PALD1: variants seen among roughly 807,000 people sequenced by gnomAD.
PALD1 encodes paladin.
A neutral mutation model predicts 96.0 loss-of-function variants in PALD1; 57 were observed. The ratio of observed to expected loss-of-function variants is 0.59; its 90% CI spans 0.48 to 0.74. The LOEUF (loss-of-function observed/expected upper bound fraction) is 0.74. Ranked by LOEUF, PALD1 falls within the 30% of genes least tolerant of loss-of-function variation. PALD1 has a pLI of 0.00. For synonymous variants in PALD1, 464 were observed against 473.6 expected, an observed-to-expected ratio of 0.98 and a Z score of 0.26; for missense variants, 1,063 against 1,143.7, an observed-to-expected ratio of 0.93 and a Z score of 1.02.
At chr10:70,478,627 G>A (rs559054947), upstream of PALD1, among the ~76,000 whole-genome samples, 5 of 152,326 alleles carry the variant, frequency 3.3e-5, no homozygotes, top group East Asian at 5.8e-4. Context: ...CGTGGCGCCC[G>A]CGTTCCTCCC....
At chr10:70,488,130 T>C (rs1013810992) in intron 1 of PALD1, among the ~76,000 whole-genome samples, 3 of 1,266 alleles carry the variant, frequency 2.4e-3, no homozygotes, top group Non-Finnish European at 0.018. Context: ...TTCTCTCTCT[T>C]TTTTTTTTTA....
At chr10:70,510,500 A>G (rs1001055704) in intron 1 of PALD1, among the ~76,000 whole-genome samples, 4 of 152,062 alleles carry the variant, frequency 2.6e-5, no homozygotes, top group Non-Finnish European at 5.9e-5. Context: ...TTTGCCCCCA[A>G]CACCTGGCTG....
At chr10:70,464,895 T>C in the PALD1 span, among the ~76,000 whole-genome samples, 1 of 151,936 alleles carries the variant, frequency 6.6e-6, no homozygotes, top group African/African-American at 2.4e-5. Context: ...TCCAAAGTGC[T>C]GGGATTACAG....
chr10:70,507,261 AATT>A (rs1173344414), intron 1 of PALD1, among the ~76,000 whole-genome samples: 2 of 151,364 alleles, frequency 1.3e-5, no homozygotes, highest in African/African-American at 4.9e-5. Context: ...AAAAAAAAAA[AATT>A]AGCCGGGCAT....
chr10:70,543,158 A>G (rs113236936), intron 17 of PALD1, among the ~76,000 whole-genome samples: 2 of 149,930 alleles, frequency 1.3e-5, no homozygotes, highest in Admixed American at 1.3e-4. Context: ...AGTGATGTTC[A>G]ATATCTTTTT....
the PALD1 span, among the ~76,000 whole-genome samples, chr10:70,460,552 C>G: frequency 6.6e-6 from 1 of 152,192 alleles, no homozygotes; most frequent in Non-Finnish European, 1.5e-5. Context: ...GATCCCACTT[C>G]CAAAATGGCT....
chr10:70,470,729 C>T, the PALD1 span, among the ~76,000 whole-genome samples: 1 of 151,574 alleles, frequency 6.6e-6, no homozygotes, highest in Non-Finnish European at 1.5e-5. Context: ...CTGCCTCAGC[C>T]TCCCAAGTAG....
intron 1 of PALD1, among the ~76,000 whole-genome samples, chr10:70,520,539 G>C (rs776620079): frequency 1.6e-4 from 24 of 152,228 alleles, no homozygotes; most frequent in Non-Finnish European, 3.1e-4. Context: ...ACTCTGGCAG[G>C]TTGGGTGAGT....
intron 1 of PALD1, among the ~76,000 whole-genome samples, chr10:70,512,697 C>T (rs1001124): frequency 0.11 from 16,733 of 152,266 alleles, 1,015 homozygotes; most frequent in South Asian, 0.17. Flanking sequence ...CAAGTGAACA[C>T]GGTAAGCAGT....
the PALD1 span, among the ~76,000 whole-genome samples, chr10:70,472,321 C>T: frequency 1.6e-3 from 240 of 152,234 alleles, no homozygotes; most frequent in Middle Eastern, 6.8e-3. Flanking sequence ...AGTGCAATGA[C>T]GCGATCTTGG....
the PALD1 span, among the ~76,000 whole-genome samples, chr10:70,466,666 A>T: frequency 1.3e-5 from 2 of 152,214 alleles, no homozygotes; most frequent in African/African-American, 4.8e-5. Context: ...CTTACCCATT[A>T]AACAATCACC....
At chr10:70,516,377 G>T (rs1307774857) in intron 1 of PALD1, among the ~76,000 whole-genome samples, 1 of 151,928 alleles carries the variant, frequency 6.6e-6, no homozygotes, top group Non-Finnish European at 1.5e-5. Flanking sequence ...CAAGTGATCC[G>T]CCCACCTCAG....
intron 1 of PALD1, among the ~76,000 whole-genome samples, chr10:70,491,101 A>G (rs60367177): frequency 6.6e-6 from 1 of 152,080 alleles, no homozygotes; most frequent in South Asian, 2.1e-4. Flanking sequence ...ACCTGCCACC[A>G]CGCCTGGCTA....
chr10:70,564,613 GGACCCCGT>G lies in PALD1; in HGVS notation c.2418+98_2418+105del. 7 of 1,237,852 alleles carry G rather than the reference GGACCCCGT, an allele frequency of 5.7e-6. No individual in the cohort carries two copies. The East Asian group carries it at 1.6e-4, about 29-fold the overall frequency. 76.7% of individuals were successfully genotyped at this position (1,237,852 alleles called of 1,614,324 possible). A position where few individuals can be genotyped will look rare whatever the true frequency, so the allele number is the denominator to read the frequency against. On this transcript the variant is annotated intron_variant, in intron 19 of 19. Transcript: ENST00000263563. ...CTCAGTGCCTGTACATGGCCTGCGG[GGACCCCGT>G]GACAGGCGGGAAGAGCCCCCATCCC...
chr10:70,480,038 C>T (rs747432834), intron 1 of PALD1, among the ~76,000 whole-genome samples: 1 of 152,212 alleles, frequency 6.6e-6, no homozygotes, highest in Non-Finnish European at 1.5e-5. Context: ...ATGTAGGCTG[C>T]GAGAGTGCCA....
intron 17 of PALD1, among the ~76,000 whole-genome samples, chr10:70,543,290 TATAAG>T (rs1224487437): frequency 7.9e-5 from 12 of 152,218 alleles, no homozygotes; most frequent in Non-Finnish European, 1.3e-4. Flanking sequence ...ACTAATCACT[TATAAG>T]AGAGGTGATA....
chr10:70,475,161 G>C (rs1589164000), upstream of PALD1, among the ~76,000 whole-genome samples: 1 of 152,348 alleles, frequency 6.6e-6, no homozygotes, highest in South Asian at 2.1e-4. Flanking sequence ...GTGGTAACTT[G>C]TAGCATAGGG....
At chr10:70,545,630 GT>G (rs1847346665) in intron 17 of PALD1, among the ~76,000 whole-genome samples, 1 of 151,962 alleles carries the variant, frequency 6.6e-6, no homozygotes. Context: ...CAGAGATGGG[GT>G]CTCACTATGT....
intron 1 of PALD1, among the ~76,000 whole-genome samples, chr10:70,513,615 T>G (rs1360222356): frequency 1.3e-5 from 2 of 152,160 alleles, no homozygotes; most frequent in African/African-American, 2.4e-5. Flanking sequence ...ACGTCAGACA[T>G]CAAGAGGCAT....
Sources: gnomAD v4.1 joint callset for allele counts (sites outside exome capture counted in the v4.1 genomes callset) on GRCh38, gnomAD v4.1.1 for gene constraint, MANE v1.5 for transcripts, NCBI Gene and HGNC (gene_info 2026-07-23, HGNC 2026-07-21) for gene names.